ATP2B2: variants seen among roughly 807,000 people sequenced by gnomAD.
ATP2B2 encodes the protein ATPase plasma membrane Ca2+ transporting 2.
ATP2B2 carries 15 observed loss-of-function variants against 120.0 expected under a neutral mutation model. That is an observed-to-expected ratio of 0.12 (90% CI 0.08 to 0.19). ATP2B2 has a LOEUF of 0.19. ATP2B2 is among the 10% of genes least tolerant of loss of function. The probability of loss-of-function intolerance (pLI) is 1.00; values close to 1 mark genes in which losing one functional copy is unlikely to be tolerated. For synonymous variants in ATP2B2, 694 were observed against 700.3 expected (o/e 0.99, Z 0.14); for missense variants, 1,045 against 1,719.8 (o/e 0.61, Z 6.94).
chr3:10,696,145 A>G (rs1168966915), intron 1 of ATP2B2, among the ~76,000 whole-genome samples: 2 of 151,904 alleles, frequency 1.3e-5, no homozygotes, highest in African/African-American at 4.8e-5. Context: ...AGATAAAAAT[A>G]CTCTTTCCCC....
rs561352986 is a variant in ATP2B2, at chr3:10,487,042, T to C, written c.-320+18423A>G. On this transcript the variant is annotated intron_variant, in intron 1 of 22. Coordinates refer to ENST00000360273, the MANE Select transcript of ATP2B2 (RefSeq NM_001001331.4). The stretch of plus-strand genomic sequence containing the variant: ...TGCGCCCAGCCCCAGCCAGAATTAT[T>C]AATCTTAGTTATTAATGAGAACTCC... 2.6e-5 allele frequency among the ~76,000 whole-genome samples: 4 copies of C among 152,274 alleles called. No homozygotes were observed. In the East Asian group the frequency reaches 7.7e-4, roughly 29 times the overall value.
chr3:10,577,383 G>A (rs1369502446), intron 2 of ATP2B2, among the ~76,000 whole-genome samples: 1 of 152,148 alleles, frequency 6.6e-6, no homozygotes, highest in African/African-American at 2.4e-5. Context: ...GAGATAGGAG[G>A]TAACTTTCCC....
intron 8 of ATP2B2, among the ~76,000 whole-genome samples, chr3:10,382,849 AT>A (rs1050534182): frequency 5.6e-4 from 84 of 149,460 alleles, no homozygotes; most frequent in African/African-American, 1.4e-3. Context: ...TATCACCCTA[AT>A]TTTTTTTTTC....
intron 2 of ATP2B2, among the ~76,000 whole-genome samples, chr3:10,556,545 G>A (rs1036007026): frequency 2.0e-5 from 3 of 152,148 alleles, no homozygotes; most frequent in African/African-American, 4.8e-5. Flanking sequence ...CTGAGGACGC[G>A]GCCTTAAGCA....
At chr3:10,393,248 C>A (rs1187285494) in intron 5 of ATP2B2, among the ~76,000 whole-genome samples, 1 of 152,122 alleles carries the variant, frequency 6.6e-6, no homozygotes, top group Non-Finnish European at 1.5e-5. Context: ...GTGATGGTAG[C>A]GGGCGGGCCG....
chr3:10,451,329 C>T (rs1041272252), intron 1 of ATP2B2, among the ~76,000 whole-genome samples: 14 of 152,108 alleles, frequency 9.2e-5, no homozygotes, highest in Admixed American at 6.5e-5. Context: ...GGCATTGGAG[C>T]GATTTGCGTT....
chr3:10,435,531 C>T (rs979964742), intron 2 of ATP2B2, among the ~76,000 whole-genome samples: 2 of 152,216 alleles, frequency 1.3e-5, no homozygotes, highest in African/African-American at 2.4e-5. Context: ...CTCTGAGGCT[C>T]CCATTCACCC....
chr3:10,624,566 G>A (rs2069641924), intron 1 of ATP2B2, among the ~76,000 whole-genome samples: 1 of 152,198 alleles, frequency 6.6e-6, no homozygotes, highest in African/African-American at 2.4e-5. Flanking sequence ...GAACACAGGG[G>A]TGAGGTTTTA....
At chr3:10,656,333 C>G (rs536650152) in intron 1 of ATP2B2, among the ~76,000 whole-genome samples, 1 of 152,250 alleles carries the variant, frequency 6.6e-6, no homozygotes, top group Non-Finnish European at 1.5e-5. Context: ...AGTGAGCAGC[C>G]CATTTCAGGA....
At chr3:10,606,849 A>T (rs7651385) in intron 2 of ATP2B2, among the ~76,000 whole-genome samples, 134,302 of 148,792 alleles carry the variant, frequency 0.9, 60,664 homozygotes, top group Middle Eastern at 0.97. Context: ...TAGTAGGTGC[A>T]CAGTAAACGT....
intron 1 of ATP2B2, among the ~76,000 whole-genome samples, chr3:10,460,467 C>G (rs1346982260): frequency 6.6e-6 from 1 of 152,202 alleles, no homozygotes; most frequent in Non-Finnish European, 1.5e-5. Context: ...GACAGCAATG[C>G]TGACCAATGA....
chr3:10,372,130 A>G, intron 11 of ATP2B2, 79 bp from the exon 12 acceptor site: 1 of 1,594,686 alleles, frequency 6.3e-7, no homozygotes, highest in Non-Finnish European at 8.6e-7. Context: ...CACTGGGTAA[A>G]CATGCAGTAA....
chr3:10,508,561 C>T (rs539385576), upstream of ATP2B2, among the ~76,000 whole-genome samples: 43 of 152,324 alleles, frequency 2.8e-4, no homozygotes, highest in Admixed American at 1.1e-3. Context: ...TTCAGCAAAC[C>T]GAAGCCTCAA....
At chr3:10,485,635 G>T (rs533084481) in intron 1 of ATP2B2, among the ~76,000 whole-genome samples, 1 of 152,220 alleles carries the variant, frequency 6.6e-6, no homozygotes, top group Non-Finnish European at 1.5e-5. Context: ...TCCAGAGAAG[G>T]GGGTGGTGAC....
rs1028799590 is a variant in ATP2B2, at chr3:10,635,509, A to G, written c.-459-15548T>C. On this transcript the variant is annotated intron_variant, in intron 1 of 21. Transcript: ENST00000646379. The surrounding 1 kb of genome is among the most constrained non-coding windows in gnomAD (Gnocchi z 4.3). Reference sequence around the variant, plus strand: ...CCTGCTTACGTGCCAGAGACTCTAAAGCCCATCCTGTTCCCCTCTCCCTCT... The same window carrying G: ...CCTGCTTACGTGCCAGAGACTCTAAGGCCCATCCTGTTCCCCTCTCCCTCT... Among the ~76,000 whole-genome samples the G allele has an allele frequency of 6.6e-6, 1 of 152,112 alleles. No individual in the cohort carries two copies. The highest frequency in any genetic ancestry group is 2.4e-5 in the African/African-American group (1 of 41,404).
rs1302207152 is a variant in ATP2B2, at chr3:10,355,800, G to A, written c.2136+2891C>T. Among the ~76,000 whole-genome samples the A allele has an allele frequency of 1.6e-4, 4 of 25,308 alleles. 2 individuals are homozygous for A. The highest frequency in any genetic ancestry group is 5.1e-4 in the African/African-American group (4 of 7,782). The allele number at this position is 25,308 out of a possible 152,430, so 16.6% of individuals were successfully genotyped here. A position where few individuals can be genotyped will look rare whatever the true frequency, so the allele number is the denominator to read the frequency against. Reference sequence around the variant, plus strand: ...AACTACTTGTCCTTTCCGGCCGGGCGCGGTGGCTCACGCCTGTAATCCCAG... The same window carrying A: ...AACTACTTGTCCTTTCCGGCCGGGCACGGTGGCTCACGCCTGTAATCCCAG... On this transcript the variant is annotated intron_variant, in intron 14 of 22. Transcript: ENST00000360273.
intron 1 of ATP2B2, among the ~76,000 whole-genome samples, chr3:10,704,760 A>G (rs2071872488): frequency 6.6e-6 from 1 of 152,218 alleles, no homozygotes; most frequent in Admixed American, 6.5e-5. Context: ...AGTTTGAATT[A>G]ATGAAAAGTC....
intron 1 of ATP2B2, among the ~76,000 whole-genome samples, chr3:10,484,446 C>T (rs1335493488): frequency 6.6e-6 from 1 of 152,088 alleles, no homozygotes; most frequent in Non-Finnish European, 1.5e-5. Context: ...TCTCCCCGTA[C>T]CCCCACAGCC....
At chr3:10,687,202 T>C (rs2071544997) in intron 1 of ATP2B2, among the ~76,000 whole-genome samples, 1 of 152,234 alleles carries the variant, frequency 6.6e-6, no homozygotes, top group Admixed American at 6.5e-5. Context: ...GGGTAGCCAC[T>C]TAACCCTTCT....
Sources: gnomAD v4.1 joint callset for allele counts (sites outside exome capture counted in the v4.1 genomes callset) on GRCh38, gnomAD v4.1.1 for gene constraint, Gnocchi (gnomAD v3.1) non-coding constraint, MANE v1.5 for transcripts, NCBI Gene and HGNC (gene_info 2026-07-23, HGNC 2026-07-21) for gene names.